The following TTC21A variants were observed in gnomAD, a reference collection of about 807,000 sequenced individuals.
TTC21A encodes tetratricopeptide repeat protein 21A.
A neutral mutation model predicts 156.4 loss-of-function variants in TTC21A; 128 were observed. The observed-to-expected ratio is 0.82, with a 90% CI of 0.71 to 0.95. TTC21A has a LOEUF of 0.95. TTC21A is among the 40% of genes least tolerant of loss of function. The probability of loss-of-function intolerance (pLI) is 0.00; values close to 1 mark genes in which losing one functional copy is unlikely to be tolerated. For synonymous variants in TTC21A, 587 were observed against 617.1 expected (o/e 0.95, Z 0.72); for missense variants, 1,435 against 1,602.3 (o/e 0.90, Z 1.78).
intron 12 of TTC21A, among the ~76,000 whole-genome samples, chr3:39,127,458 G>A (rs1462206808): frequency 6.6e-6 from 1 of 152,156 alleles, no homozygotes; most frequent in Non-Finnish European, 1.5e-5. Context: ...CTGGGTGCCG[G>A]CATCTGCCAG....
At chr3:39,111,950 C>T (rs1183085668) in intron 4 of TTC21A, among the ~76,000 whole-genome samples, 2 of 152,162 alleles carry the variant, frequency 1.3e-5, no homozygotes, top group Non-Finnish European at 2.9e-5. Flanking sequence ...ATGGAACCAG[C>T]GAGGTCCACG....
chr3:39,129,557 T>C (rs918745405), intron 15 of TTC21A, among the ~76,000 whole-genome samples: 4 of 152,200 alleles, frequency 2.6e-5, no homozygotes, highest in Non-Finnish European at 4.4e-5. Context: ...TGCTTGCACA[T>C]GCTAGTGGGA....
chr3:39,138,251 C>T lies in TTC21A; in HGVS notation c.3676-16C>T. The T allele has an allele frequency of 3.1e-6, 5 of 1,613,894 alleles. No homozygotes were observed. Among genetic ancestry groups the T allele is most frequent in the Non-Finnish European group, 4.2e-6 (5 of 1,179,840 alleles). On this transcript the variant is annotated splice_polypyrimidine_tract_variant and intron_variant, in intron 26 of 28. Transcript: ENST00000683103. Reference sequence around the variant, plus strand: ...GGCTTCCGCTCTGCAGAGGCTCTAACTGGCTTTCCCTGCAGTCCTGCTACA... The same window carrying T: ...GGCTTCCGCTCTGCAGAGGCTCTAATTGGCTTTCCCTGCAGTCCTGCTACA...
intron 6 of TTC21A, among the ~76,000 whole-genome samples, chr3:39,116,164 G>T (rs2037274561): frequency 6.6e-6 from 1 of 152,230 alleles, no homozygotes; most frequent in African/African-American, 2.4e-5. Context: ...ACAGTGTGTG[G>T]GGCCAACAGA....
chr3:39,121,355 T>A (rs2037755204), intron 9 of TTC21A, among the ~76,000 whole-genome samples, 166 bp downstream of exon 9: 1 of 152,194 alleles, frequency 6.6e-6, no homozygotes, highest in African/African-American at 2.4e-5. Context: ...CAAGTATAGA[T>A]GTAAGAGGCA....
intron 4 of TTC21A, 131 bp from the exon 5 acceptor site, chr3:39,112,327 C>T (rs1220156588): frequency 3.4e-6 from 3 of 876,582 alleles, no homozygotes; most frequent in Non-Finnish European, 5.4e-6. Context: ...GAGCTGGCTG[C>T]CCTGGGATCT....
At position 39,134,168 on chromosome 3, in the gene TTC21A, G is replaced by T; in HGVS notation, c.2752-50G>T. The T allele has an allele frequency of 8.2e-7, 1 of 1,223,094 alleles. No individual in the cohort carries two copies. Among genetic ancestry groups the T allele is most frequent in the Non-Finnish European group, 1.2e-6 (1 of 824,944 alleles). The allele number at this position is 1,223,094 out of a possible 1,614,324, so 75.8% of individuals were successfully genotyped here. The stretch of plus-strand genomic sequence containing the variant: ...AGAGCTGTCAAGGATAACCCCAGGG[G>T]TTTCCCATGGTGTTTACTAGTTAGT... On this transcript the variant is annotated intron_variant, in intron 20 of 28. Transcript: ENST00000683103. This position sits in a 1 kb window ranked among gnomAD's most constrained non-coding sequence, Gnocchi z 4.6.
At chr3:39,119,844 T>C (rs527243123) in intron 7 of TTC21A, 78 bp from the exon 8 acceptor site, 5 of 932,798 alleles carry the variant, frequency 5.4e-6, no homozygotes, top group African/African-American at 5.2e-5. Flanking sequence ...GATGCTACTA[T>C]GCAGTCAGGG....
intron 11 of TTC21A, 144 bp from the exon 12 acceptor site, chr3:39,126,117 T>A: frequency 9.8e-7 from 1 of 1,018,006 alleles, no homozygotes; most frequent in Admixed American, 2.4e-5. Flanking sequence ...GAGCTCGTGC[T>A]CTAAGCACTA....
chr3:39,114,879 G>A, intron 6 of TTC21A, 137 bp downstream of exon 6: 1 of 942,756 alleles, frequency 1.1e-6, no homozygotes, highest in Non-Finnish European at 1.6e-6. Flanking sequence ...GGCCAAATTG[G>A]GATGAGGAAG....
intron 24 of TTC21A, 30 bp from the exon 25 acceptor site, chr3:39,137,165 G>T (rs1553687376): frequency 4.4e-6 from 7 of 1,604,142 alleles, no homozygotes. Flanking sequence ...CCACCGGCCT[G>T]TGTCTGATAC....
intron 12 of TTC21A, among the ~76,000 whole-genome samples, chr3:39,127,671 A>AC (rs1363252655): frequency 6.6e-6 from 1 of 151,920 alleles, no homozygotes; most frequent in Non-Finnish European, 1.5e-5. Context: ...ATCACACCCA[A>AC]CCCCTAGGCT....
chr3:39,124,375 T>C (rs2125813799), intron 9 of TTC21A, among the ~76,000 whole-genome samples: 1 of 152,156 alleles, frequency 6.6e-6, no homozygotes, highest in Admixed American at 6.5e-5. Context: ...AAAAGCAGAT[T>C]GTGGCCAGGC....
chr3:39,136,945 C>T lies in TTC21A; in HGVS notation c.3142C>T (p.Arg1048Cys), dbSNP rs200397655. Residue 1048 changes from arginine (R) to cysteine (C), a missense_variant, in exon 24 of 29, where the codon CGC becomes TGC. Arg to Cys is a radical substitution (Grantham distance 180, BLOSUM62 -3). Transcript: ENST00000683103. ...AGCCTTAAAGTTCCTGAACAAGGCA[C>T]GCAAGGACAGCACTTGGGGCCAGAG... ...NEALKFLNKARKDSTWGQSAI... is the reference protein window; with the variant it reads ...NEALKFLNKACKDSTWGQSAI... 1.8e-5 allele frequency: 29 copies of T among 1,614,244 alleles called. No individual in the cohort carries two copies. Among genetic ancestry groups the T allele is most frequent in the African/African-American group, 1.7e-4 (13 of 75,070 alleles).
Position 39,130,067 on chromosome 3 carries a change from T to C in TTC21A, c.2136-12T>C. 1.2e-6 allele frequency: 2 copies of C among 1,614,030 alleles called. No homozygotes were observed. Among genetic ancestry groups the C allele is most frequent in the Non-Finnish European group, 1.7e-6 (2 of 1,179,982 alleles). ...GAACCTGGGATAAGCTTTTGGTTAC[T>C]CTTGCTTGCAGTGAGCTCTGTGAAC... is the stretch of plus-strand genomic sequence containing the variant. On this transcript the variant is annotated splice_polypyrimidine_tract_variant and intron_variant, in intron 15 of 28. Transcript: ENST00000683103. This position sits in a 1 kb window ranked among gnomAD's most constrained non-coding sequence, Gnocchi z 4.5.
rs375710783 is a variant in TTC21A, at chr3:39,131,092, C to A, written c.2559C>A (p.Asn853Lys). 5.7e-5 allele frequency: 91 copies of A among 1,606,274 alleles called. No individual in the cohort carries two copies. The highest frequency in any genetic ancestry group is 7.0e-5 in the Non-Finnish European group (82 of 1,179,618). Residue 853 changes from asparagine (N) to lysine (K), a missense_variant, in exon 19 of 29, where the codon AAC becomes AAA. Transcript: ENST00000683103. ...HKKEAVIETL[N>K]KALDLQSRIL... ...AAGAAGCTGTGATAGAAACTTTGAA[C>A]AAGGTAATTGACAGGTGGACTCAAG...
chr3:39,109,923 C>A (rs1208879420), intron 2 of TTC21A, 106 bp from the exon 3 acceptor site: 3 of 761,094 alleles, frequency 3.9e-6, no homozygotes, highest in Non-Finnish European at 4.4e-6. Flanking sequence ...CCTTTCAGAC[C>A]AGTTAGTCCA....
chr3:39,137,869 G>C (rs2039254055), intron 26 of TTC21A, 159 bp downstream of exon 26: 6 of 775,468 alleles, frequency 7.7e-6, no homozygotes, highest in Non-Finnish European at 1.3e-5. Flanking sequence ...ACCAGAATAG[G>C]AATGAGGATC....
In TTC21A at chr3:39,138,574, A is replaced by G. The variant is rs765424139; in HGVS notation, c.3815A>G (p.Asn1272Ser). The change falls in exon 28 of 29, where the codon AAC (asparagine) becomes AGC (serine). Residue 1272 changes from asparagine to serine, a missense_variant. Transcript: ENST00000683103. The stretch of plus-strand genomic sequence containing the variant: ...CCGGTAGGCTTCAAACTTGCTTTCA[A>G]CTACCTGAAGGACAAGAAATTTGTG... ...NPAIGFKLAF[N>S]YLKDKKFVEA... 8 of 1,614,074 alleles carry G rather than the reference A, an allele frequency of 5.0e-6. No homozygotes were observed. Among genetic ancestry groups the G allele is most frequent in the South Asian group, 2.2e-5 (2 of 91,090 alleles).
Sources: allele counts gnomAD v4.1 joint callset (sites outside exome capture counted in the v4.1 genomes callset), GRCh38; gene constraint gnomAD v4.1.1; non-coding constraint Gnocchi (gnomAD v3.1); transcripts MANE v1.5; gene names NCBI Gene and HGNC (gene_info 2026-07-23, HGNC 2026-07-21).